AFF3: variants seen among roughly 807,000 people sequenced by gnomAD.
AFF3 encodes the protein ALF transcription elongation factor 3.
In AFF3, 32 loss-of-function variants were observed where a neutral mutation model predicts 129.7. The observed-to-expected ratio is 0.25, with a 90% confidence interval of 0.19 to 0.33. The LOEUF (loss-of-function observed/expected upper bound fraction) is 0.33, where lower values mean the gene tolerates loss of function less well. Among genes scored for constraint, AFF3 ranks in the 10% least tolerant of loss-of-function variants. The pLI, the probability that AFF3 is intolerant of heterozygous loss-of-function variation, is 1.00. For missense variants in AFF3, 1,373 were observed against 1,592.0 expected (o/e 0.86, Z 2.34); for synonymous variants, 644 against 635.4 (o/e 1.01, Z -0.20).
At chr2:99,672,178 TCACACACACACACACACACACACACA>T (rs1177303721) in intron 12 of AFF3, among the ~76,000 whole-genome samples, 4 of 56,384 alleles carry the variant, frequency 7.1e-5, no homozygotes, top group East Asian at 5.1e-4. Context: ...AGTTAGCTTC[TCACACACACACACACACACACACACA>T]CACACACACA....
At chr2:100,121,426 T>C (rs1439358357) in intron 2 of AFF3, among the ~76,000 whole-genome samples, 2 of 152,196 alleles carry the variant, frequency 1.3e-5, no homozygotes, top group African/African-American at 2.4e-5. Flanking sequence ...AGTGGTTATA[T>C]AGGCTAAAGC....
At chr2:99,727,815 G>A (rs1486748140) in intron 10 of AFF3, among the ~76,000 whole-genome samples, 1 of 152,124 alleles carries the variant, frequency 6.6e-6, no homozygotes, top group African/African-American at 2.4e-5. Flanking sequence ...GCCCGCCTCG[G>A]CCTCTCAAAG....
intron 8 of AFF3, among the ~76,000 whole-genome samples, chr2:99,800,228 T>C (rs1002114692): frequency 2.0e-5 from 3 of 152,124 alleles, no homozygotes; most frequent in Non-Finnish European, 2.9e-5. Context: ...AAATCAACAA[T>C]GAGAACAAAA....
At chr2:99,764,410 A>C (rs1682846726) in intron 8 of AFF3, among the ~76,000 whole-genome samples, 3 of 152,072 alleles carry the variant, frequency 2.0e-5, no homozygotes, top group African/African-American at 7.2e-5. Context: ...TTTCTGGAGA[A>C]TTCTTGTTCT....
chr2:99,925,575 G>A (rs1363276590), intron 7 of AFF3, among the ~76,000 whole-genome samples: 1 of 152,158 alleles, frequency 6.6e-6, no homozygotes, highest in Admixed American at 6.5e-5. Context: ...TGAGTCTTAG[G>A]CAGATGAAAG....
intron 7 of AFF3, among the ~76,000 whole-genome samples, chr2:99,915,220 ATAT>A (rs1346675854): frequency 1.3e-5 from 2 of 152,212 alleles, no homozygotes; most frequent in African/African-American, 4.8e-5. Flanking sequence ...AAAACGTTAC[ATAT>A]TATCATCTGA....
In AFF3 at chr2:99,903,378, T is replaced by C. The variant is rs186830364; in HGVS notation, c.874-65854A>G. ...AACAGTAAACACTCTATCAATACTT[T>C]TTGAGTACAGGAAGAAATAATAAGT... On this transcript the variant is annotated intron_variant, in intron 7 of 24. Transcript: ENST00000672756. Among the ~76,000 whole-genome samples the C allele has an allele frequency of 2.6e-5, 4 of 152,268 alleles. No homozygotes were observed. The East Asian group carries it at 7.7e-4, about 29-fold the overall frequency.
chr2:99,872,383 C>T (rs1431950382), intron 7 of AFF3, among the ~76,000 whole-genome samples: 2 of 151,748 alleles, frequency 1.3e-5, no homozygotes, highest in African/African-American at 2.4e-5. Flanking sequence ...AGATTTCAAA[C>T]GATGTGGAGA....
chr2:99,764,261 G>A (rs1682834371), intron 8 of AFF3, among the ~76,000 whole-genome samples: 1 of 152,082 alleles, frequency 6.6e-6, no homozygotes, highest in African/African-American at 2.4e-5. Flanking sequence ...TGCCACTGGA[G>A]ACCCTACCTT....
intron 7 of AFF3, among the ~76,000 whole-genome samples, chr2:99,848,378 A>G (rs562627929): frequency 4.5e-4 from 68 of 152,348 alleles, no homozygotes; most frequent in African/African-American, 1.6e-3. Flanking sequence ...TCCTGCTTCA[A>G]TGCCACCTAA....
intron 11 of AFF3, among the ~76,000 whole-genome samples, chr2:99,684,738 A>G (rs1674875692): frequency 6.6e-6 from 1 of 151,864 alleles, no homozygotes; most frequent in Admixed American, 6.6e-5. Context: ...CGGCCTCCCA[A>G]AGTGCTGCGA....
rs141297271 is a variant in AFF3 at position 100,026,716 on chromosome 2, A to AATATAT, written c.54-17790_54-17785dup. Among the ~76,000 whole-genome samples the AATATAT allele has an allele frequency of 1.2e-4, 17 of 145,856 alleles. No homozygotes were observed. In the South Asian group the frequency reaches 1.7e-3, roughly 15 times the overall value. The stretch of plus-strand genomic sequence containing the variant: ...ATATATATAAATAAATATATATATA[A>AATATAT]ATATATATATATATAATGGAATACT... On this transcript the variant is annotated intron_variant, in intron 4 of 24. Coordinates refer to ENST00000672756, the MANE Select transcript of AFF3 (RefSeq NM_001386135.1).
At chr2:99,993,123 C>G (rs1185372552) in intron 7 of AFF3, among the ~76,000 whole-genome samples, 2 of 152,200 alleles carry the variant, frequency 1.3e-5, no homozygotes, top group Non-Finnish European at 2.9e-5. Context: ...CAGAGCAGAA[C>G]TAGCACACTG....
At chr2:100,113,308 A>G (rs988124927) in intron 2 of AFF3, among the ~76,000 whole-genome samples, 1 of 152,246 alleles carries the variant, frequency 6.6e-6, no homozygotes, top group Non-Finnish European at 1.5e-5. Flanking sequence ...CTAGAAGATA[A>G]TGCACACACA....
intron 7 of AFF3, among the ~76,000 whole-genome samples, chr2:99,957,775 G>T (rs1004324101): frequency 6.6e-6 from 1 of 152,156 alleles, no homozygotes; most frequent in Non-Finnish European, 1.5e-5. Context: ...CAAAGGCTTG[G>T]TCTTGTTCTG....
At chr2:99,789,739 C>T (rs183561407) in intron 8 of AFF3, among the ~76,000 whole-genome samples, 5 of 152,194 alleles carry the variant, frequency 3.3e-5, no homozygotes, top group Middle Eastern at 3.2e-3. Context: ...CTCGAGGATT[C>T]GGAGGCTGCT....
intron 7 of AFF3, among the ~76,000 whole-genome samples, chr2:99,900,628 T>C (rs1363418313): frequency 6.6e-6 from 1 of 152,164 alleles, no homozygotes; most frequent in Admixed American, 6.5e-5. Flanking sequence ...TGCGGGCTGG[T>C]GCAGTGCCCA....
intron 8 of AFF3, among the ~76,000 whole-genome samples, chr2:99,809,332 C>T (rs1686610651): frequency 6.6e-6 from 1 of 152,232 alleles, no homozygotes; most frequent in African/African-American, 2.4e-5. Context: ...GTCTACGGGG[C>T]AAGCCCTCAA....
rs528368963 is a variant in AFF3 at position 99,726,100 on chromosome 2, A to G, written c.1091+977T>C. ...CACATTCATTATAACATCTGAAAGC[A>G]GGACAATGGAACTATTTAAACTTTT... On this transcript the variant is annotated intron_variant, in intron 11 of 24. Coordinates refer to ENST00000672756, the MANE Select transcript of AFF3 (RefSeq NM_001386135.1). Among the ~76,000 whole-genome samples, 5 of 152,362 alleles carry G rather than the reference A, an allele frequency of 3.3e-5. No individual in the cohort carries two copies. The South Asian group carries it at 1.0e-3, about 32-fold the overall frequency.
Sources: allele counts gnomAD v4.1 joint callset (sites outside exome capture counted in the v4.1 genomes callset), GRCh38; gene constraint gnomAD v4.1.1; transcripts MANE v1.5; gene names NCBI Gene and HGNC (gene_info 2026-07-23, HGNC 2026-07-21).